The following POU6F2 variants were observed in gnomAD, a reference collection of about 807,000 sequenced individuals.
POU6F2 encodes POU domain, class 6, transcription factor 2.
A neutral mutation model predicts 71.3 loss-of-function variants in POU6F2; 31 were observed. The ratio of observed to expected loss-of-function variants is 0.43; its 90% CI spans 0.33 to 0.59. POU6F2 has a LOEUF of 0.59. POU6F2 is among the 20% of genes least tolerant of loss of function. The pLI is 0.04. For missense variants in POU6F2, 783 were observed against 856.8 expected, an observed-to-expected ratio of 0.91 and a Z score of 1.07; for synonymous variants, 347 against 355.7, an observed-to-expected ratio of 0.98 and a Z score of 0.27.
intron 3 of POU6F2, among the ~76,000 whole-genome samples, chr7:39,205,520 A>G (rs1046389911): frequency 2.6e-5 from 4 of 152,058 alleles, no homozygotes; most frequent in Non-Finnish European, 4.4e-5. Context: ...CCCCAAATCT[A>G]TGACCCATAT....
chr7:39,209,335 G>A (rs997084321), intron 4 of POU6F2, among the ~76,000 whole-genome samples: 3 of 152,106 alleles, frequency 2.0e-5, no homozygotes, highest in African/African-American at 4.8e-5. Flanking sequence ...CTTATCCCTG[G>A]GCACTTCTGA....
At chr7:39,099,198 T>C (rs563146755) in intron 2 of POU6F2, among the ~76,000 whole-genome samples, 3 of 152,354 alleles carry the variant, frequency 2.0e-5, no homozygotes, top group Non-Finnish European at 4.4e-5. Context: ...ATTTAAAATG[T>C]TGGAAGGTGT....
intron 4 of POU6F2, among the ~76,000 whole-genome samples, chr7:39,321,835 G>T (rs1191211086): frequency 6.6e-6 from 1 of 151,846 alleles, no homozygotes; most frequent in Non-Finnish European, 1.5e-5. Flanking sequence ...AGAAAGAGAA[G>T]TAGGGGAGGA....
chr7:39,086,206 T>G (rs963909464), intron 2 of POU6F2, among the ~76,000 whole-genome samples, 175 bp downstream of exon 2: 6 of 150,616 alleles, frequency 4.0e-5, no homozygotes, highest in African/African-American at 1.5e-4. Flanking sequence ...TAGGAGGATG[T>G]CCTCCAAACT....
At chr7:39,032,658 C>T (rs566818172) in intron 1 of POU6F2, among the ~76,000 whole-genome samples, 2 of 152,336 alleles carry the variant, frequency 1.3e-5, no homozygotes, top group South Asian at 4.1e-4. Context: ...TTCAGCCTGC[C>T]ATGCTGAGAA....
intron 7 of POU6F2, among the ~76,000 whole-genome samples, chr7:39,434,416 C>T (rs772301603): frequency 2.0e-5 from 3 of 151,898 alleles, no homozygotes; most frequent in Admixed American, 6.6e-5. Context: ...AGTGGGGATA[C>T]GCCAGTAGCT....
intron 4 of POU6F2, among the ~76,000 whole-genome samples, chr7:39,339,082 T>TAAA (rs1554344614): frequency 6.6e-4 from 95 of 144,038 alleles, no homozygotes; most frequent in African/African-American, 2.2e-3. Flanking sequence ...TTTGAATTTT[T>TAAA]AAAAAAAAAA....
chr7:39,212,646 C>G (rs182705945), intron 4 of POU6F2, among the ~76,000 whole-genome samples: 2 of 152,266 alleles, frequency 1.3e-5, no homozygotes, highest in Admixed American at 1.3e-4. Flanking sequence ...TGACTGTAAG[C>G]AAGCACACAC....
intron 4 of POU6F2, among the ~76,000 whole-genome samples, chr7:39,304,282 A>G (rs1173791851): frequency 6.6e-6 from 1 of 152,240 alleles, no homozygotes; most frequent in African/African-American, 2.4e-5. Flanking sequence ...ACATGAGCAA[A>G]GACATGAAAG....
At chr7:39,446,178 C>G (rs1788518625) in intron 7 of POU6F2, among the ~76,000 whole-genome samples, 2 of 152,258 alleles carry the variant, frequency 1.3e-5, no homozygotes, top group South Asian at 4.1e-4. Context: ...CCCACATACT[C>G]TGGCTTCTGC....
chr7:39,170,259 G>T (rs536755708), intron 2 of POU6F2, among the ~76,000 whole-genome samples: 2 of 152,272 alleles, frequency 1.3e-5, no homozygotes, highest in South Asian at 4.1e-4. Flanking sequence ...TAACTTTGCA[G>T]ATTGGAGAGT....
intron 4 of POU6F2, among the ~76,000 whole-genome samples, chr7:39,272,249 G>A (rs972879912): frequency 2.0e-5 from 3 of 152,086 alleles, no homozygotes; most frequent in East Asian, 3.9e-4. Flanking sequence ...AGAACTAGTC[G>A]ATTCATCATC....
At chr7:39,452,959 G>T (rs527772584) in intron 8 of POU6F2, among the ~76,000 whole-genome samples, 1 of 152,310 alleles carries the variant, frequency 6.6e-6, no homozygotes, top group Non-Finnish European at 1.5e-5. Context: ...GGGCGTGGTG[G>T]CATGTGCCTG....
intron 4 of POU6F2, among the ~76,000 whole-genome samples, chr7:39,337,716 C>T (rs1455090027): frequency 6.6e-6 from 1 of 152,014 alleles, no homozygotes. Context: ...TCATATATGC[C>T]CCTCCTGCTT....
At position 39,321,673 on chromosome 7, in the gene POU6F2, A is replaced by T. The variant is rs907174713; in HGVS notation, c.599-17969A>T. ...GGATGTGAATGAAGTGCAGGAAGGC[A>T]GAATCACAGTTGAAGTTATGTTTAT... On this transcript the variant is annotated intron_variant, in intron 4 of 9. Coordinates refer to ENST00000518318, the MANE Select transcript of POU6F2 (RefSeq NM_001370959.1). Among the ~76,000 whole-genome samples the T allele has an allele frequency of 9.2e-5, 14 of 152,328 alleles. 1 individual carries two copies. The South Asian group carries it at 2.9e-3, about 32-fold the overall frequency.
intron 2 of POU6F2, among the ~76,000 whole-genome samples, chr7:39,183,062 G>A (rs1219713459): frequency 4.6e-5 from 7 of 152,180 alleles, no homozygotes; most frequent in Non-Finnish European, 7.3e-5. Flanking sequence ...GGAGGTGAGA[G>A]GCAGGCAAGT....
intron 2 of POU6F2, among the ~76,000 whole-genome samples, chr7:39,157,291 G>A (rs758717092): frequency 8.5e-5 from 13 of 152,076 alleles, no homozygotes; most frequent in African/African-American, 2.2e-4. Context: ...AACAGATTAC[G>A]CAGTTCCACC....
intron 5 of POU6F2, among the ~76,000 whole-genome samples, chr7:39,386,626 G>T (rs1024170083): frequency 6.6e-6 from 1 of 152,158 alleles, no homozygotes; most frequent in African/African-American, 2.4e-5. Flanking sequence ...TGATGGGAAA[G>T]GTCACCTTAT....
intron 1 of POU6F2, among the ~76,000 whole-genome samples, chr7:39,043,655 GC>G (rs1451611948): frequency 6.6e-6 from 1 of 151,952 alleles, no homozygotes; most frequent in Admixed American, 6.6e-5. Flanking sequence ...AACATGTAAT[GC>G]CCACACAGAT....
Sources: gnomAD v4.1 joint callset for allele counts (sites outside exome capture counted in the v4.1 genomes callset) on GRCh38, gnomAD v4.1.1 for gene constraint, MANE v1.5 for transcripts, NCBI Gene and HGNC (gene_info 2026-07-23, HGNC 2026-07-21) for gene names.